UGT1A9: variants seen among roughly 807,000 people sequenced by gnomAD.
UGT1A9 encodes UDP glucuronosyltransferase family 1 member A9, also known as UDP-glucuronosyltransferase 1A9.
In UGT1A9, 35 loss-of-function variants were observed where a neutral mutation model predicts 45.0. The observed-to-expected ratio is 0.78, with a 90% CI of 0.59 to 1.03. The LOEUF (loss-of-function observed/expected upper bound fraction) is 1.03. Among genes scored for constraint, UGT1A9 ranks in the 50% least tolerant of loss-of-function variants. The probability of loss-of-function intolerance (pLI) is 0.00; values close to 1 mark genes in which losing one functional copy is unlikely to be tolerated. For missense variants in UGT1A9, 687 were observed against 666.6 expected (o/e 1.03, Z -0.34); for synonymous variants, 278 against 250.6 (o/e 1.11, Z -1.03).
Position 233,768,325 on chromosome 2 carries a change from A to G in UGT1A9, c.1181A>G (p.Gln394Arg). 2.5e-6 allele frequency: 4 copies of G among 1,614,222 alleles called. No homozygotes were observed. The highest frequency in any genetic ancestry group is 3.4e-6 in the Non-Finnish European group (4 of 1,180,032). ...PMVMMPLFGDQMDNAKRMETK... is the reference protein window; with the variant it reads ...PMVMMPLFGDRMDNAKRMETK... ...GTGATGATGCCCTTGTTTGGTGATCAGATGGACAATGCAAAGCGCATGGAG... is the reference window on the plus strand; with the variant it reads ...GTGATGATGCCCTTGTTTGGTGATCGGATGGACAATGCAAAGCGCATGGAG... The change falls in exon 4 of 5, where the codon CAG becomes CGG. Residue 394 changes from glutamine (Q) to arginine (R), a missense_variant. Physicochemically the swap from Gln to Arg is conservative, Grantham distance 43 (BLOSUM62 1). Coordinates refer to ENST00000354728, the MANE Select transcript of UGT1A9 (RefSeq NM_021027.3).
rs1314129216 is a variant in UGT1A9, at chr2:233,719,046, A to T, written c.855+46257A>T. ...GCACATCAAAGAAGAGAAATTTTTC[A>T]CCCTGACAGCCTATGCTGTTCCATG... On this transcript the variant is annotated intron_variant, in intron 1 of 4. Coordinates refer to ENST00000354728, the MANE Select transcript of UGT1A9 (RefSeq NM_021027.3). 6.2e-7 allele frequency: 1 copy of T among 1,614,250 alleles called. No individual in the cohort carries two copies. Among genetic ancestry groups the T allele is most frequent in the Non-Finnish European group, 8.5e-7 (1 of 1,180,040 alleles).
intron 3 of UGT1A9, 123 bp downstream of exon 3, chr2:233,768,059 T>G: frequency 3.1e-6 from 5 of 1,601,374 alleles, no homozygotes; most frequent in Non-Finnish European, 4.3e-6. Flanking sequence ...CCTACATTGC[T>G]TTTTATCTAG....
At chr2:233,718,857 G>A (rs1210101221) in intron 1 of UGT1A9, 8 of 1,613,658 alleles carry the variant, frequency 5.0e-6, no homozygotes, top group Non-Finnish European at 6.8e-6. Flanking sequence ...GCCGCGGCTG[G>A]CCACAGGACT....
chr2:233,760,274 G>C (rs1697379637), intron 1 of UGT1A9: 1 of 1,612,450 alleles, frequency 6.2e-7, no homozygotes, highest in African/African-American at 1.3e-5. Context: ...ACCTCTGGCA[G>C]GAGCAAAGGC....
At chr2:233,755,164 G>C in intron 1 of UGT1A9, 1 of 1,277,322 alleles carries the variant, frequency 7.8e-7, no homozygotes, top group Non-Finnish European at 1.1e-6. Flanking sequence ...CTGTCCTCGG[G>C]GTTTTTGTCG....
At position 233,688,626 on chromosome 2, in the gene UGT1A9, G is replaced by A. The variant is rs115592772; in HGVS notation, c.855+15837G>A. On this transcript the variant is annotated intron_variant, in intron 1 of 4. Coordinates refer to ENST00000354728, the MANE Select transcript of UGT1A9 (RefSeq NM_021027.3). ...TAACACCCTCAGCAAACATGAGTTC[G>A]TCTTGTTTTTGTTGGTGTTACAGAA... 5.6e-3 allele frequency among the ~76,000 whole-genome samples: 846 copies of A among 152,204 alleles called. 7 individuals carry two copies. Among genetic ancestry groups the A allele is most frequent in the African/African-American group, 0.019 (799 of 41,536 alleles).
Position 233,747,651 on chromosome 2 carries a change from G to A in UGT1A9, c.856-19383G>A, listed in dbSNP as rs566750548. ...CAGGCACCTGAATGCTACTTCCTTC[G>A]ATGTGGTTTTAATAGACCCAATTTA... On this transcript the variant is annotated intron_variant, in intron 1 of 4. Coordinates refer to ENST00000354728, the MANE Select transcript of UGT1A9 (RefSeq NM_021027.3). The A allele has an allele frequency of 2.5e-5, 39 of 1,588,728 alleles. No individual in the cohort carries two copies. The African/African-American group carries it at 3.1e-4, about 13-fold the overall frequency.
At chr2:233,743,166 TA>T in intron 1 of UGT1A9, 1 of 363,344 alleles carries the variant, frequency 2.8e-6, no homozygotes, top group East Asian at 7.3e-5. Context: ...CAGATGTGCT[TA>T]AAGTCAAATG....
intron 1 of UGT1A9, chr2:233,692,790 G>A (rs1279360815): frequency 1.5e-6 from 2 of 1,368,172 alleles, no homozygotes; most frequent in Non-Finnish European, 1.9e-6. Context: ...TCAGGTGAAA[G>A]CTGACACGGC....
intron 1 of UGT1A9, among the ~76,000 whole-genome samples, chr2:233,696,803 G>A (rs1216746624): frequency 1.3e-5 from 2 of 152,130 alleles, no homozygotes; most frequent in African/African-American, 4.8e-5. Flanking sequence ...TGTTCCTTCT[G>A]TAGCCAGTTT....
rs561148269 is a variant in UGT1A9 at position 233,758,341 on chromosome 2, T to A, written c.856-8693T>A. The stretch of plus-strand genomic sequence containing the variant: ...GCAGCCTCAAAAAGCTTGGAAGCTC[T>A]GCATGATGCAGGAAAGTCATAAAAT... On this transcript the variant is annotated intron_variant, in intron 1 of 4. Coordinates refer to ENST00000354728, the MANE Select transcript of UGT1A9 (RefSeq NM_021027.3). Among the ~76,000 whole-genome samples the A allele has an allele frequency of 3.3e-5, 5 of 152,358 alleles. No homozygotes were observed. In the South Asian group the frequency reaches 8.3e-4, roughly 25 times the overall value.
chr2:233,698,964 G>A (rs996769646), intron 1 of UGT1A9, among the ~76,000 whole-genome samples: 3 of 152,212 alleles, frequency 2.0e-5, no homozygotes, highest in Non-Finnish European at 4.4e-5. Context: ...GGCCCTTGGG[G>A]AAGCCCTTTG....
intron 1 of UGT1A9, among the ~76,000 whole-genome samples, chr2:233,714,723 TAA>T (rs2076408415): frequency 6.6e-6 from 1 of 152,238 alleles, no homozygotes; most frequent in South Asian, 2.1e-4. Flanking sequence ...TTTTTGTTGT[TAA>T]GTCTTCAAAA....
Position 233,769,714 on chromosome 2 carries a change from G to C in UGT1A9, c.1295+1275G>C. On this transcript the variant is annotated intron_variant, in intron 4 of 4. Coordinates refer to ENST00000354728, the MANE Select transcript of UGT1A9 (RefSeq NM_021027.3). This position sits in a 1 kb window ranked among gnomAD's most constrained non-coding sequence, Gnocchi z 4.4. ...TGGATAAAAGATCAATGTTGGCTAG[G>C]CACCATGGCACACGCCTGTAGTCCC... 6.7e-7 allele frequency: 1 copy of C among 1,497,244 alleles called. No homozygotes were observed. Among genetic ancestry groups the C allele is most frequent in the Non-Finnish European group, 8.9e-7 (1 of 1,121,796 alleles). The allele number at this position is 1,497,244 out of a possible 1,614,324, so 92.7% of individuals were successfully genotyped here. A position where few individuals can be genotyped will look rare whatever the true frequency, so the allele number is the denominator to read the frequency against.
At chr2:233,748,271 GAGGA>G (rs762610387) in intron 1 of UGT1A9, among the ~76,000 whole-genome samples, 6 of 151,770 alleles carry the variant, frequency 4.0e-5, no homozygotes, top group Admixed American at 1.3e-4. Flanking sequence ...TGGTCAATGA[GAGGA>G]AGAAGAGGCA....
chr2:233,769,434 T>A lies in UGT1A9; in HGVS notation c.1295+995T>A. ...GCGTTTGTGCATGTGGCTGTGCTCA[T>A]GTGTGGGTGCACACGTGTGCATTCA... is the stretch of plus-strand genomic sequence containing the variant. On this transcript the variant is annotated intron_variant, in intron 4 of 4. Coordinates refer to ENST00000354728, the MANE Select transcript of UGT1A9 (RefSeq NM_021027.3). The surrounding 1 kb of genome is among the most constrained non-coding windows in gnomAD (Gnocchi z 4.4). 1 of 1,542,192 alleles carries A rather than the reference T, an allele frequency of 6.5e-7. No individual in the cohort carries two copies.
At chr2:233,738,343 T>C (rs1471318863) in intron 1 of UGT1A9, among the ~76,000 whole-genome samples, 1 of 152,180 alleles carries the variant, frequency 6.6e-6, no homozygotes, top group Non-Finnish European at 1.5e-5. Context: ...TAAATTGGTG[T>C]CATGGAGAGT....
At chr2:233,741,094 A>G (rs1452297102) in intron 1 of UGT1A9, among the ~76,000 whole-genome samples, 2 of 151,824 alleles carry the variant, frequency 1.3e-5, no homozygotes, top group Non-Finnish European at 2.9e-5. Flanking sequence ...CAAACAAGCA[A>G]ACAGACAATC....
At chr2:233,744,517 G>A (rs1213288029) in intron 1 of UGT1A9, among the ~76,000 whole-genome samples, 1 of 151,928 alleles carries the variant, frequency 6.6e-6, no homozygotes, top group African/African-American at 2.4e-5. Context: ...TGACACAATA[G>A]CAAATCTTAT....
Sources: allele counts gnomAD v4.1 joint callset (sites outside exome capture counted in the v4.1 genomes callset), GRCh38; gene constraint gnomAD v4.1.1; non-coding constraint Gnocchi (gnomAD v3.1); transcripts MANE v1.5; gene names NCBI Gene and HGNC (gene_info 2026-07-23, HGNC 2026-07-21).